The following ZBTB41 variants were observed in gnomAD, a reference collection of about 807,000 sequenced individuals.
The protein encoded by ZBTB41 is zinc finger and BTB domain containing 41.
Under a neutral mutation model 87.6 loss-of-function variants are expected in ZBTB41, and 42 were observed. The ratio of observed to expected loss-of-function variants is 0.48; its 90% CI spans 0.37 to 0.62. The LOEUF (loss-of-function observed/expected upper bound fraction) is 0.62. Among genes scored for constraint, ZBTB41 ranks in the 20% least tolerant of loss-of-function variants. The probability of loss-of-function intolerance (pLI) is 0.00; values close to 1 mark genes in which losing one functional copy is unlikely to be tolerated. For synonymous variants in ZBTB41, 364 were observed against 364.0 expected (o/e 1.00, Z 0.00); for missense variants, 799 against 1,078.9 (o/e 0.74, Z 3.63).
chr1:197,188,289 T>C lies in ZBTB41; in HGVS notation c.1546+3A>G, dbSNP rs1571664588. 1 of 1,612,530 alleles carries C rather than the reference T, an allele frequency of 6.2e-7. No homozygotes were observed. The highest frequency in any genetic ancestry group is 8.5e-7 in the Non-Finnish European group (1 of 1,179,582). The stretch of plus-strand genomic sequence containing the variant: ...CTGCCTTAAGAAAAAGTAACTTGCT[T>C]ACCCAGATGGAACTTTTCTTGATGC... On this transcript the variant is annotated splice_donor_region_variant and intron_variant, in intron 5 of 10. Transcript: ENST00000367405.
At chr1:197,181,185 G>A (rs1234313734) in intron 5 of ZBTB41, 68 bp from the exon 6 acceptor site, 13 of 1,440,702 alleles carry the variant, frequency 9.0e-6, no homozygotes, top group Non-Finnish European at 1.2e-5. Flanking sequence ...AATTTAATAG[G>A]TATGCTGTAA....
chr1:197,196,625 T>C (rs1660168413), intron 2 of ZBTB41, among the ~76,000 whole-genome samples: 1 of 152,206 alleles, frequency 6.6e-6, no homozygotes, highest in South Asian at 2.1e-4. Context: ...ACAGTCCCTA[T>C]CACCTACTGA....
intron 6 of ZBTB41, among the ~76,000 whole-genome samples, chr1:197,180,416 T>A (rs1340823002): frequency 1.3e-5 from 2 of 152,164 alleles, no homozygotes; most frequent in Non-Finnish European, 2.9e-5. Flanking sequence ...TTGGTTTGTA[T>A]TTCAATCCCA....
intron 1 of ZBTB41, among the ~76,000 whole-genome samples, chr1:197,200,801 C>A (rs1350456450): frequency 1.3e-5 from 2 of 152,192 alleles, no homozygotes; most frequent in African/African-American, 4.8e-5. Flanking sequence ...TAAAGGAACC[C>A]AGGCACACCT....
rs1297004116 is a variant in ZBTB41 at position 197,200,387 on chromosome 1, C to T, written c.87G>A (p.Val29=). ...GAGTATAGGTCACTTGGTCACACTC[C>T]ACTGCAACATTTCCTTCTGAAGAAT... ...HKDSSEGNVA[V]ECDQVTYTHS... Residue 29 remains valine, a synonymous_variant, in exon 2 of 11, where the codon GTG becomes GTA. Coordinates refer to ENST00000367405, the MANE Select transcript of ZBTB41 (RefSeq NM_194314.3). 5 of 1,613,848 alleles carry T rather than the reference C, an allele frequency of 3.1e-6. No homozygotes were observed. The highest frequency in any genetic ancestry group is 2.7e-5 in the African/African-American group (2 of 75,020).
At position 197,159,713 on chromosome 1, in the gene ZBTB41, C is replaced by G. The variant is rs149808840; in HGVS notation, c.2376G>C (p.Gln792His). The part of the protein sequence containing the change: ...KQYMDQPKVY[Q>H]SEAKTMLQNV... ...TCTGTAACATCGTCTTGGCTTCCGA[C>G]TGATAAACTTTGGGCTGGTCCATAT... The change falls in exon 11 of 11, where the codon CAG becomes CAC. Residue 792 changes from glutamine (Q) to histidine (H), a missense_variant. This residue lies in a region of ZBTB41 where 171 missense variants were observed against 191.9 expected (regional missense o/e 0.89). Coordinates refer to ENST00000367405, the MANE Select transcript of ZBTB41 (RefSeq NM_194314.3). 1.9e-6 allele frequency: 3 copies of G among 1,614,008 alleles called. No homozygotes were observed.
In ZBTB41 at chr1:197,157,946, A is replaced by G. The variant is rs1557972376; in HGVS notation, c.*1413T>C. The G allele has an allele frequency of 2.0e-5, 3 of 152,490 alleles. No individual in the cohort carries two copies. Among genetic ancestry groups the G allele is most frequent in the Non-Finnish European group, 4.4e-5 (3 of 67,842 alleles). The allele number at this position is 152,490 out of a possible 1,614,324, so 9.4% of individuals were successfully genotyped here. A position where few individuals can be genotyped will look rare whatever the true frequency, so the allele number is the denominator to read the frequency against. On this transcript the variant is annotated 3_prime_UTR_variant, in exon 11 of 11. Transcript: ENST00000367405. ...GCTTAAAGCAATTAGGAGTGTAAAC[A>G]AAACTGAAATAGAAAACTTTTAAAA... is the stretch of plus-strand genomic sequence containing the variant.
intron 10 of ZBTB41, among the ~76,000 whole-genome samples, chr1:197,160,811 A>G (rs1217991041): frequency 6.6e-6 from 1 of 152,158 alleles, no homozygotes; most frequent in Non-Finnish European, 1.5e-5. Context: ...AAATAGGCAG[A>G]CCAACAGGCG....
In ZBTB41 at chr1:197,199,758, T is replaced by A. The variant is rs746611463; in HGVS notation, c.716A>T (p.His239Leu). 6.2e-7 allele frequency: 1 copy of A among 1,613,210 alleles called. No homozygotes were observed. The highest frequency in any genetic ancestry group is 8.5e-7 in the Non-Finnish European group (1 of 1,179,834). Residue 239 changes from histidine to leucine, a missense_variant, in exon 2 of 11, where the codon CAT becomes CTT. By Grantham distance (99) the His-to-Leu change is moderately conservative. Coordinates refer to ENST00000367405, the MANE Select transcript of ZBTB41 (RefSeq NM_194314.3). ...ACTTCTCTCCAGCATTTTTAACCCA[T>A]GTTTTTTCCCTAATAAAAGGGACCT... ...THRSLLLGKKHGLKMLERSFS... is the reference protein window; with the variant it reads ...THRSLLLGKKLGLKMLERSFS...
chr1:197,193,294 T>C (rs1469175041), intron 2 of ZBTB41, among the ~76,000 whole-genome samples: 1 of 151,872 alleles, frequency 6.6e-6, no homozygotes, highest in Non-Finnish European at 1.5e-5. Flanking sequence ...TCTCAGCACT[T>C]TGGGAGGCCA....
chr1:197,191,760 C>T lies in ZBTB41; in HGVS notation c.1260G>A (p.Lys420=). The part of the protein sequence containing the change: ...KHSNETEFHK[K]EHKCPYCNKL... ...TATTACAATAAGGGCACTTGTGCTC[C>T]TTCTTATGAAATTCTGTTTCATTAC... Residue 420 remains lysine (K), a synonymous_variant, in exon 3 of 11, where the codon AAG becomes AAA. Coordinates refer to ENST00000367405, the MANE Select transcript of ZBTB41 (RefSeq NM_194314.3). The T allele has an allele frequency of 2.5e-6, 4 of 1,613,716 alleles. No individual in the cohort carries two copies. The highest frequency in any genetic ancestry group is 3.4e-6 in the Non-Finnish European group (4 of 1,179,866).
rs1659003218 is a variant in ZBTB41, at chr1:197,153,942, T to C, written c.*5417A>G. The stretch of plus-strand genomic sequence containing the variant: ...CTTAATTAAAAACAAAAATTATTAT[T>C]TGAGACTGAAAACAAGTGCAAAAGC... On this transcript the variant is annotated 3_prime_UTR_variant, in exon 11 of 11. Transcript: ENST00000367405. 1 of 152,440 alleles carries C rather than the reference T, an allele frequency of 6.6e-6. No individual in the cohort carries two copies. The highest frequency in any genetic ancestry group is 2.1e-4 in the South Asian group (1 of 4,838). The allele number at this position is 152,440 out of a possible 1,614,324, so 9.4% of individuals were successfully genotyped here. A position where few individuals can be genotyped will look rare whatever the true frequency, so the allele number is the denominator to read the frequency against.
At position 197,157,850 on chromosome 1, in the gene ZBTB41, C is replaced by T. The variant is rs1659106822; in HGVS notation, c.*1509G>A. On this transcript the variant is annotated 3_prime_UTR_variant, in exon 11 of 11. Coordinates refer to ENST00000367405, the MANE Select transcript of ZBTB41 (RefSeq NM_194314.3). ...TTAAACTTTATTCATTAAAACTTCACTGTTTTATTTGTGATTTTTTTTTTC... is the reference window on the plus strand; with the variant it reads ...TTAAACTTTATTCATTAAAACTTCATTGTTTTATTTGTGATTTTTTTTTTC... 1.3e-5 allele frequency: 2 copies of T among 152,144 alleles called. No homozygotes were observed. The highest frequency in any genetic ancestry group is 2.1e-4 in the South Asian group (1 of 4,830). 9.4% of individuals were successfully genotyped at this position (152,144 alleles called of 1,614,324 possible). A position where few individuals can be genotyped will look rare whatever the true frequency, so the allele number is the denominator to read the frequency against.
chr1:197,179,518 T>G (rs1237193551), intron 6 of ZBTB41, among the ~76,000 whole-genome samples: 1 of 151,934 alleles, frequency 6.6e-6, no homozygotes, highest in Admixed American at 6.6e-5. Context: ...CTTCTTCTAC[T>G]TATTAAAAAA....
chr1:197,167,033 T>G (rs185007889), intron 10 of ZBTB41, among the ~76,000 whole-genome samples: 8 of 152,260 alleles, frequency 5.3e-5, no homozygotes, highest in African/African-American at 1.7e-4. Context: ...AGCATAGTTA[T>G]GATAACACAG....
chr1:197,177,646 C>A (rs1659642756), intron 7 of ZBTB41, among the ~76,000 whole-genome samples: 1 of 152,022 alleles, frequency 6.6e-6, no homozygotes, highest in Non-Finnish European at 1.5e-5. Context: ...CACCCAAAGA[C>A]AGTATAAAAG....
chr1:197,178,587 G>A, intron 6 of ZBTB41, 75 bp from the exon 7 acceptor site: 1 of 1,052,310 alleles, frequency 9.5e-7, no homozygotes, highest in East Asian at 2.9e-5. Context: ...AAACTTACTA[G>A]AAAGGTATTC....
At chr1:197,184,794 CTATTTATT>C (rs71286567) in intron 5 of ZBTB41, among the ~76,000 whole-genome samples, 20 of 147,648 alleles carry the variant, frequency 1.4e-4, no homozygotes, top group African/African-American at 4.2e-4. Flanking sequence ...AAGTTTACAA[CTATTTATT>C]TATTTATTTA....
Position 197,159,958 on chromosome 1 carries a change from A to G in ZBTB41, c.2131T>C (p.Leu711=), listed in dbSNP as rs1659158842. The part of the protein sequence containing the change: ...CNQSFRIKKT[L]TKHLVIHSDA... ...GAATGAATAACCAGGTGTTTTGTTA[A>G]TGTTTTCTTAATTCTAAAAGACTGA... Residue 711 remains leucine, a synonymous_variant, in exon 11 of 11, where the codon TTA becomes CTA. Coordinates refer to ENST00000367405, the MANE Select transcript of ZBTB41 (RefSeq NM_194314.3). The G allele has an allele frequency of 1.2e-6, 2 of 1,613,660 alleles. No individual in the cohort carries two copies. Among genetic ancestry groups the G allele is most frequent in the Non-Finnish European group, 1.7e-6 (2 of 1,179,724 alleles).
Sources: gnomAD v4.1 joint callset for allele counts (sites outside exome capture counted in the v4.1 genomes callset) on GRCh38, gnomAD v4.1.1 for gene constraint, gnomAD v4.1.1 regional missense constraint, MANE v1.5 for transcripts, NCBI Gene and HGNC (gene_info 2026-07-23, HGNC 2026-07-21) for gene names.